ABLIM1: variants seen among roughly 807,000 people sequenced by gnomAD.
The protein encoded by ABLIM1 is actin-binding LIM protein 1.
A neutral mutation model predicts 107.0 loss-of-function variants in ABLIM1; 40 were observed. The observed-to-expected ratio is 0.37, with a 90% CI of 0.29 to 0.49. The LOEUF is 0.49. ABLIM1 is among the 20% of genes least tolerant of loss of function. The pLI, the probability that ABLIM1 is intolerant of heterozygous loss-of-function variation, is 0.97. For missense variants in ABLIM1, 857 were observed against 1,008.5 expected (o/e 0.85, Z 2.04); for synonymous variants, 357 against 357.3 (o/e 1.00, Z 0.01).
chr10:114,788,334 T>TA, the ABLIM1 span, among the ~76,000 whole-genome samples: 323 of 131,332 alleles, frequency 2.5e-3, no homozygotes, highest in Non-Finnish European at 3.8e-3. Context: ...AATAAAAAAA[T>TA]AAAAAAAAAA....
chr10:114,712,569 A>G (rs2081576781), intron 1 of ABLIM1, among the ~76,000 whole-genome samples: 1 of 152,002 alleles, frequency 6.6e-6, no homozygotes, highest in Non-Finnish European at 1.5e-5. Context: ...GTCACCTCCT[A>G]TTTACCCAGC....
In ABLIM1 at chr10:114,670,305, A is replaced by G. The variant is rs561158561; in HGVS notation, c.64+13985T>C. Among the ~76,000 whole-genome samples, 5 of 152,316 alleles carry G rather than the reference A, an allele frequency of 3.3e-5. No homozygotes were observed. In the East Asian group the frequency reaches 9.6e-4, roughly 29 times the overall value. On this transcript the variant is annotated intron_variant, in intron 1 of 23. Coordinates refer to the ABLIM1 transcript ENST00000369256. ...ATTGCTATTTCACCCCTAAAATTTC[A>G]AACTTGATTTACAATTCCCTGAAAT...
In ABLIM1 at chr10:114,758,844, A is replaced by G. The variant is rs567270863; in HGVS notation, c.-213+9217T>C. On this transcript the variant is annotated intron_variant, in intron 1 of 15. Transcript: ENST00000651092. ...TTTAAAAATTGACCCTAACACAGGT[A>G]AAGTTTCTTCATTTATACATATATC... Among the ~76,000 whole-genome samples the G allele has an allele frequency of 1.4e-3, 218 of 152,340 alleles. 1 individual carries two copies. The highest frequency in any genetic ancestry group is 5.0e-3 in the African/African-American group (208 of 41,586).
At chr10:114,790,153 TCTA>T in the ABLIM1 span, among the ~76,000 whole-genome samples, 1 of 151,924 alleles carries the variant, frequency 6.6e-6, no homozygotes, top group Non-Finnish European at 1.5e-5. Context: ...GCAAATATTT[TCTA>T]CTAACATCAA....
the ABLIM1 span, among the ~76,000 whole-genome samples, chr10:114,782,323 A>C: frequency 6.6e-6 from 1 of 152,182 alleles, no homozygotes; most frequent in African/African-American, 2.4e-5. Flanking sequence ...CAGGAAATAA[A>C]CAAGGGGCTG....
chr10:114,784,061 G>A, the ABLIM1 span, among the ~76,000 whole-genome samples: 997 of 151,886 alleles, frequency 6.6e-3, 24 homozygotes, highest in African/African-American at 0.023. Flanking sequence ...CTAAAGAAAC[G>A]GATGGGCCGG....
chr10:114,521,572 CT>C (rs2063741703), intron 6 of ABLIM1, among the ~76,000 whole-genome samples: 2 of 152,128 alleles, frequency 1.3e-5, no homozygotes, highest in South Asian at 4.1e-4. Context: ...AGGCTACTGT[CT>C]TGGGGAGTCA....
chr10:114,529,296 T>G (rs2065205163), intron 6 of ABLIM1, among the ~76,000 whole-genome samples: 2 of 152,036 alleles, frequency 1.3e-5, no homozygotes, highest in South Asian at 2.1e-4. Flanking sequence ...AGCTAATTTC[T>G]GTATTTTTAG....
At chr10:114,782,337 TA>T in the ABLIM1 span, among the ~76,000 whole-genome samples, 1 of 152,060 alleles carries the variant, frequency 6.6e-6, no homozygotes, top group South Asian at 2.1e-4. Context: ...GGGGCTGGAA[TA>T]AAGAACAACA....
chr10:114,455,432 A>T (rs1361620965), intron 12 of ABLIM1, among the ~76,000 whole-genome samples: 2 of 152,224 alleles, frequency 1.3e-5, no homozygotes, highest in African/African-American at 4.8e-5. Context: ...ATGTTATCTC[A>T]TTTATCCCTC....
At chr10:114,691,478 C>A (rs1306140033) in intron 1 of ABLIM1, among the ~76,000 whole-genome samples, 1 of 152,186 alleles carries the variant, frequency 6.6e-6, no homozygotes, top group Non-Finnish European at 1.5e-5. Context: ...GCCTCTCACT[C>A]CCTCCCAGTC....
chr10:114,497,516 A>T (rs796102290), intron 6 of ABLIM1, among the ~76,000 whole-genome samples: 21 of 151,798 alleles, frequency 1.4e-4, no homozygotes, highest in African/African-American at 5.1e-4. Context: ...CGTTTCTACT[A>T]AAAAAAATAT....
chr10:114,549,353 A>G (rs1191462591), intron 4 of ABLIM1, among the ~76,000 whole-genome samples: 1 of 152,206 alleles, frequency 6.6e-6, no homozygotes, highest in Non-Finnish European at 1.5e-5. Context: ...ATTGCACTCC[A>G]GCCTGGGCAA....
At chr10:114,603,099 AC>A (rs2076148758) in intron 1 of ABLIM1, among the ~76,000 whole-genome samples, 2 of 152,216 alleles carry the variant, frequency 1.3e-5, no homozygotes, top group South Asian at 4.1e-4. Flanking sequence ...AGAACATTGA[AC>A]CTAAAATTAA....
chr10:114,696,199 C>T (rs2081190363), intron 1 of ABLIM1, among the ~76,000 whole-genome samples: 1 of 152,150 alleles, frequency 6.6e-6, no homozygotes, highest in African/African-American at 2.4e-5. Context: ...CTCCTCCATC[C>T]CTGGAGAGGG....
At chr10:114,480,491 C>G (rs560767541) in intron 8 of ABLIM1, among the ~76,000 whole-genome samples, 27 of 152,166 alleles carry the variant, frequency 1.8e-4, no homozygotes, top group Non-Finnish European at 3.4e-4. Context: ...AAAACCAACT[C>G]GAAAGTGCAG....
At chr10:114,490,191 G>T (rs2058727426) in intron 7 of ABLIM1, among the ~76,000 whole-genome samples, 1 of 152,202 alleles carries the variant, frequency 6.6e-6, no homozygotes, top group African/African-American at 2.4e-5. Flanking sequence ...TGTTGTCCTT[G>T]GGAAAACGTG....
At chr10:114,491,994 G>T (rs34507585) in intron 6 of ABLIM1, 116 bp from the exon 7 acceptor site, 224,343 of 846,674 alleles carry the variant, frequency 0.26, 32,679 homozygotes, top group Non-Finnish European at 0.3. Context: ...AAAAATAATT[G>T]TCTAATTGAC....
At chr10:114,702,793 G>A (rs937834710) in intron 1 of ABLIM1, among the ~76,000 whole-genome samples, 1 of 151,968 alleles carries the variant, frequency 6.6e-6, no homozygotes, top group Non-Finnish European at 1.5e-5. Context: ...GATTACAAGC[G>A]TGAGCCAATA....
Sources: gnomAD v4.1 joint callset for allele counts (sites outside exome capture counted in the v4.1 genomes callset) on GRCh38, gnomAD v4.1.1 for gene constraint, MANE v1.5 for transcripts, NCBI Gene and HGNC (gene_info 2026-07-23, HGNC 2026-07-21) for gene names.